The following GFI1B variants were observed in gnomAD, a reference collection of about 807,000 sequenced individuals.
GFI1B encodes growth factor independent 1B transcriptional repressor, also known as zinc finger protein Gfi-1b.
In GFI1B, 20 loss-of-function variants were observed where a neutral mutation model predicts 35.3. The observed-to-expected ratio is 0.57, with a 90% CI of 0.40 to 0.82. GFI1B has a LOEUF of 0.82. Among genes scored for constraint, GFI1B ranks in the 40% least tolerant of loss-of-function variants. The probability of loss-of-function intolerance (pLI) is 0.00; values close to 1 mark genes in which losing one functional copy is unlikely to be tolerated. For synonymous variants in GFI1B, 178 were observed against 177.6 expected (o/e 1.00, Z -0.02); for missense variants, 430 against 446.3 (o/e 0.96, Z 0.33).
intron 1 of GFI1B, among the ~76,000 whole-genome samples, chr9:132,969,132 G>C (rs191108421): frequency 4.1e-4 from 62 of 152,074 alleles, no homozygotes; most frequent in African/African-American, 1.4e-3. Flanking sequence ...GGGTTCAAGC[G>C]CTTCTCATGC....
intron 2 of GFI1B, 23 bp downstream of exon 2, chr9:132,986,801 G>C: frequency 6.7e-7 from 1 of 1,488,602 alleles, no homozygotes; most frequent in East Asian, 2.3e-5. Flanking sequence ...CCGGGCTGGC[G>C]CCTGCTGCAC....
chr9:132,967,768 G>A (rs1388026688), intron 1 of GFI1B, among the ~76,000 whole-genome samples: 1 of 152,020 alleles, frequency 6.6e-6, no homozygotes, highest in Non-Finnish European at 1.5e-5. Flanking sequence ...GTGTGTGTAT[G>A]TGTGTGTATA....
At chr9:132,949,324 T>TAC (rs60835289) in intron 1 of GFI1B, among the ~76,000 whole-genome samples, 11,336 of 137,996 alleles carry the variant, frequency 0.082, 457 homozygotes, top group African/African-American at 0.11. Context: ...AACCCACAGA[T>TAC]ACACACACAC....
intron 1 of GFI1B, chr9:132,952,790 TCTATGA>T (rs1848221680): frequency 6.6e-6 from 1 of 152,252 alleles, no homozygotes; most frequent in South Asian, 2.1e-4. Context: ...AAGACTTTTG[TCTATGA>T]CTTTTACCAA....
At chr9:132,973,540 G>T (rs1848570925) in intron 2 of GFI1B, among the ~76,000 whole-genome samples, 1 of 152,212 alleles carries the variant, frequency 6.6e-6, no homozygotes, top group Admixed American at 6.5e-5. Context: ...AGCAAGACAG[G>T]AATCCAAGGG....
In GFI1B at chr9:132,961,967, C is replaced by G. The variant is rs149901358; in HGVS notation, c.-700-10758C>G. Among the ~76,000 whole-genome samples the G allele has an allele frequency of 1.6e-3, 237 of 151,816 alleles. 1 individual carries two copies. Among genetic ancestry groups the G allele is most frequent in the African/African-American group, 4.8e-3 (197 of 41,366 alleles). ...ATCTACACTTCTGGGAGTGGGAGGA[C>G]AGGACTGCACACCCTCTCTAGACAG... On this transcript the variant is annotated intron_variant, in intron 1 of 10. Coordinates refer to the GFI1B transcript ENST00000339463.
intron 1 of GFI1B, among the ~76,000 whole-genome samples, chr9:132,981,667 G>A (rs1364917392): frequency 1.3e-5 from 2 of 151,998 alleles, no homozygotes; most frequent in Non-Finnish European, 2.9e-5. Context: ...TGGTGATGAT[G>A]ATGATGATTA....
At chr9:132,959,335 C>T (rs1051527586) in intron 1 of GFI1B, among the ~76,000 whole-genome samples, 1 of 152,220 alleles carries the variant, frequency 6.6e-6, no homozygotes, top group Non-Finnish European at 1.5e-5. Flanking sequence ...TGAAGAAGGA[C>T]ATGTTTGCTT....
At chr9:132,980,825 G>A (rs1039483622) in intron 1 of GFI1B, among the ~76,000 whole-genome samples, 3 of 152,218 alleles carry the variant, frequency 2.0e-5, no homozygotes, top group African/African-American at 7.2e-5. Flanking sequence ...GTTCATCCAT[G>A]TTGTAGCATG....
At position 132,967,010 on chromosome 9, in the gene GFI1B, T is replaced by G. The variant is rs149129317; in HGVS notation, c.-700-5715T>G. Among the ~76,000 whole-genome samples the G allele has an allele frequency of 8.5e-4, 130 of 152,330 alleles. 1 individual carries two copies. Among genetic ancestry groups the G allele is most frequent in the Middle Eastern group, 6.8e-3 (2 of 294 alleles). Reference sequence around the variant, plus strand: ...AACTCATTTTGAAATTAATTGTCATTGGGAAGGAATTAAGAGCCAGGGCCT... The same window carrying G: ...AACTCATTTTGAAATTAATTGTCATGGGGAAGGAATTAAGAGCCAGGGCCT... On this transcript the variant is annotated intron_variant, in intron 1 of 10. Transcript: ENST00000339463.
chr9:132,951,594 T>C (rs114953738), intron 1 of GFI1B: 32 of 152,328 alleles, frequency 2.1e-4, no homozygotes, highest in African/African-American at 7.0e-4. Flanking sequence ...CTTTGGGTTT[T>C]TGAGATTTTG....
upstream of GFI1B, among the ~76,000 whole-genome samples, chr9:132,975,868 C>G (rs998875644): frequency 7.9e-5 from 12 of 152,144 alleles, no homozygotes; most frequent in African/African-American, 2.7e-4. Flanking sequence ...TACAGGCAGC[C>G]CTGGAGGGGA....
intron 4 of GFI1B, 44 bp downstream of exon 4, chr9:132,988,512 G>A (rs780952013): frequency 2.6e-5 from 41 of 1,575,040 alleles, no homozygotes; most frequent in South Asian, 8.9e-5. Context: ...CCTCCTCTCC[G>A]CACTCCCTCT....
intron 1 of GFI1B, among the ~76,000 whole-genome samples, chr9:132,979,246 C>CTTTTTTTTTTTTTTTT (rs34125755): frequency 1.0e-5 from 1 of 95,632 alleles, no homozygotes; most frequent in African/African-American, 3.9e-5. Flanking sequence ...TCCTGGGACA[C>CTTTTTTTTTTTTTTTT]TTTTTTTTTT....
At chr9:132,964,383 G>C (rs978517939) in intron 1 of GFI1B, among the ~76,000 whole-genome samples, 1 of 152,078 alleles carries the variant, frequency 6.6e-6, no homozygotes, top group African/African-American at 2.4e-5. Flanking sequence ...ACGGCTCTTG[G>C]ACCCCTTCAC....
At chr9:132,964,971 T>G (rs968434486) in intron 1 of GFI1B, among the ~76,000 whole-genome samples, 1 of 151,922 alleles carries the variant, frequency 6.6e-6, no homozygotes, top group African/African-American at 2.4e-5. Context: ...ATTTTTTCTT[T>G]AAAAACTTTT....
At chr9:132,978,534 A>C (rs1369708036), upstream of GFI1B, 1 of 152,180 alleles carries the variant, frequency 6.6e-6, no homozygotes, top group East Asian at 1.9e-4. Context: ...CCAAGTGTCG[A>C]GGGTTAGAAA....
intron 2 of GFI1B, 111 bp from the exon 3 acceptor site, chr9:132,987,171 C>T (rs961554725): frequency 7.5e-6 from 9 of 1,195,820 alleles, no homozygotes; most frequent in Non-Finnish European, 8.5e-6. Context: ...AGCAGCGGCA[C>T]GTGGCTGTCT....
At position 132,991,059 on chromosome 9, in the gene GFI1B, C is replaced by A; in HGVS notation, c.*9C>A. On this transcript the variant is annotated 3_prime_UTR_variant, in exon 7 of 7. Transcript: ENST00000372122. ...AGCACAATCTCAAGTGAGGCTGCGC[C>A]GGCTCCCAGCTCCTGGCCAGCCTGC... 6.2e-7 allele frequency: 1 copy of A among 1,611,526 alleles called. No homozygotes were observed.
Sources: allele counts gnomAD v4.1 joint callset (sites outside exome capture counted in the v4.1 genomes callset), GRCh38; gene constraint gnomAD v4.1.1; transcripts MANE v1.5; gene names NCBI Gene and HGNC (gene_info 2026-07-23, HGNC 2026-07-21).